The following HNF4G variants were observed in gnomAD, a reference collection of about 807,000 sequenced individuals.
HNF4G encodes the protein hepatocyte nuclear factor 4 gamma, also known as hepatocyte nuclear factor 4-gamma.
In HNF4G, 21 loss-of-function variants were observed where a neutral mutation model predicts 50.9. The ratio of observed to expected loss-of-function variants is 0.41; its 90% CI spans 0.29 to 0.59. The LOEUF is 0.59. HNF4G is among the 20% of genes least tolerant of loss of function. HNF4G has a pLI of 0.26. For synonymous variants in HNF4G, 198 were observed against 185.6 expected (o/e 1.07, Z -0.54); for missense variants, 527 against 559.4 (o/e 0.94, Z 0.58).
At chr8:75,511,660 G>C (rs979804924) in intron 2 of HNF4G, among the ~76,000 whole-genome samples, 1 of 152,268 alleles carries the variant, frequency 6.6e-6, no homozygotes, top group Admixed American at 6.5e-5. Context: ...GGGCGATCTC[G>C]GCTCACTGCA....
At chr8:75,512,890 A>C (rs1452577386) in intron 2 of HNF4G, among the ~76,000 whole-genome samples, 1 of 152,134 alleles carries the variant, frequency 6.6e-6, no homozygotes, top group Non-Finnish European at 1.5e-5. Flanking sequence ...ATACATTACT[A>C]ACTTAGTATG....
intron 1 of HNF4G, among the ~76,000 whole-genome samples, chr8:75,442,510 G>C (rs979548310): frequency 1.1e-4 from 16 of 152,144 alleles, no homozygotes; most frequent in Admixed American, 3.3e-4. Context: ...GGAAGTCAAG[G>C]CTGCAGTGAG....
chr8:75,463,777 T>TA (rs1811906789), intron 1 of HNF4G, among the ~76,000 whole-genome samples: 1 of 151,236 alleles, frequency 6.6e-6, no homozygotes, highest in African/African-American at 2.4e-5. Context: ...TGTTGATTTT[T>TA]TTTTTTTTTT....
intron 6 of HNF4G, among the ~76,000 whole-genome samples, chr8:75,558,256 T>C (rs1807188464): frequency 6.6e-6 from 1 of 152,206 alleles, no homozygotes; most frequent in African/African-American, 2.4e-5. Flanking sequence ...TATCAGCATG[T>C]TATTAGTCTG....
At chr8:75,420,955 G>A (rs1407031139) in intron 1 of HNF4G, among the ~76,000 whole-genome samples, 1 of 152,132 alleles carries the variant, frequency 6.6e-6, no homozygotes, top group Non-Finnish European at 1.5e-5. Flanking sequence ...TGCTAGTTGA[G>A]GACTCTAAAG....
chr8:75,516,844 A>G (rs1253449694), intron 2 of HNF4G, among the ~76,000 whole-genome samples: 1 of 152,122 alleles, frequency 6.6e-6, no homozygotes, highest in African/African-American at 2.4e-5. Context: ...CTTTTTGTTA[A>G]GTCTTTTTTG....
intron 1 of HNF4G, among the ~76,000 whole-genome samples, chr8:75,454,561 G>T (rs188538187): frequency 5.5e-4 from 84 of 152,234 alleles, no homozygotes; most frequent in Admixed American, 4.2e-3. Context: ...TGGCCTACCT[G>T]AAGTTTCCAG....
intron 2 of HNF4G, among the ~76,000 whole-genome samples, chr8:75,511,714 C>T (rs981505120): frequency 2.6e-5 from 4 of 152,202 alleles, no homozygotes; most frequent in Non-Finnish European, 5.9e-5. Flanking sequence ...CCTCAGCCTC[C>T]CGTGTAGCTG....
At chr8:75,470,607 G>A (rs1023155951) in intron 1 of HNF4G, among the ~76,000 whole-genome samples, 11 of 152,194 alleles carry the variant, frequency 7.2e-5, no homozygotes, top group Admixed American at 2.0e-4. Flanking sequence ...TATTAAGTCC[G>A]AAATAATTCA....
At chr8:75,462,569 G>A (rs1282824107) in intron 1 of HNF4G, among the ~76,000 whole-genome samples, 1 of 152,166 alleles carries the variant, frequency 6.6e-6, no homozygotes, top group East Asian at 1.9e-4. Context: ...GTTGACTGGT[G>A]TTAACTGCAA....
rs181925551 is a variant in HNF4G at position 75,514,503 on chromosome 8, C to T, written c.-24+24295C>T. ...AAGTAGCTGAGACTACAGGTGTGTG[C>T]CACCACACCTGGCTAATTTTTGTAT... is the stretch of plus-strand genomic sequence containing the variant. On this transcript the variant is annotated intron_variant, in intron 2 of 10. Transcript: ENST00000354370. 6.1e-3 allele frequency among the ~76,000 whole-genome samples: 931 copies of T among 151,628 alleles called. 10 individuals carry two copies. Among genetic ancestry groups the T allele is most frequent in the Non-Finnish European group, 8.9e-3 (602 of 67,914 alleles).
intron 2 of HNF4G, among the ~76,000 whole-genome samples, chr8:75,495,923 T>C (rs773693078): frequency 3.9e-5 from 6 of 152,184 alleles, no homozygotes; most frequent in Non-Finnish European, 8.8e-5. Context: ...TCAATATTTC[T>C]ATATTATTTT....
intron 1 of HNF4G, among the ~76,000 whole-genome samples, chr8:75,448,054 C>G (rs1811468552): frequency 1.3e-5 from 1 of 75,848 alleles, no homozygotes; most frequent in African/African-American, 5.3e-5. Flanking sequence ...CAATGATAGA[C>G]TGGATTAAGA....
chr8:75,538,858 A>G (rs983413787), upstream of HNF4G, among the ~76,000 whole-genome samples: 4 of 152,190 alleles, frequency 2.6e-5, no homozygotes, highest in African/African-American at 9.6e-5. Flanking sequence ...GGTGAAAAGT[A>G]CAATAGTTTC....
intron 4 of HNF4G, 49 bp from the exon 5 acceptor site, chr8:75,552,983 AGGGGAATGTT>A: frequency 8.1e-7 from 1 of 1,240,604 alleles, no homozygotes; most frequent in Non-Finnish European, 1.1e-6. Flanking sequence ...AAAGAAAAAA[AGGGGAATGTT>A]GGCCATCTAT....
intron 1 of HNF4G, among the ~76,000 whole-genome samples, chr8:75,420,646 T>C (rs574415383): frequency 6.6e-6 from 1 of 152,348 alleles, no homozygotes; most frequent in Admixed American, 6.5e-5. Flanking sequence ...TTTTATCCTT[T>C]AGTTCTCAGT....
At chr8:75,508,636 C>G (rs1439914962) in intron 2 of HNF4G, among the ~76,000 whole-genome samples, 1 of 152,010 alleles carries the variant, frequency 6.6e-6, no homozygotes, top group Non-Finnish European at 1.5e-5. Context: ...AAGCACAACT[C>G]AAGTATTGAC....
upstream of HNF4G, among the ~76,000 whole-genome samples, chr8:75,538,765 A>C (rs1014328722): frequency 3.3e-5 from 5 of 152,204 alleles, no homozygotes; most frequent in African/African-American, 4.8e-5. Flanking sequence ...GATTTAGTGA[A>C]TCTGGCTGCT....
intron 6 of HNF4G, 76 bp downstream of exon 6, chr8:75,556,145 T>C (rs1807116722): frequency 4.4e-6 from 3 of 679,144 alleles, no homozygotes; most frequent in Non-Finnish European, 7.2e-6. Context: ...GTCTGTTCTG[T>C]ATGTACCAAG....
Sources: allele counts gnomAD v4.1 joint callset (sites outside exome capture counted in the v4.1 genomes callset), GRCh38; gene constraint gnomAD v4.1.1; transcripts MANE v1.5; gene names NCBI Gene and HGNC (gene_info 2026-07-23, HGNC 2026-07-21).